FGF14: variants seen among roughly 807,000 people sequenced by gnomAD.
FGF14 encodes fibroblast growth factor homologous factor 4.
FGF14 carries 5 observed loss-of-function variants against 25.5 expected under a neutral mutation model. The ratio of observed to expected loss-of-function variants is 0.20; its 90% CI spans 0.10 to 0.41. FGF14 has a LOEUF of 0.41. Among genes scored for constraint, FGF14 ranks in the 10% least tolerant of loss-of-function variants. The pLI is 1.00. For missense variants in FGF14, 222 were observed against 320.1 expected (o/e 0.69, Z 2.34); for synonymous variants, 138 against 118.3 (o/e 1.17, Z -1.08).
At chr13:102,071,806 T>C (rs921917487) in intron 1 of FGF14, among the ~76,000 whole-genome samples, 2 of 152,146 alleles carry the variant, frequency 1.3e-5, no homozygotes, top group Non-Finnish European at 2.9e-5. Flanking sequence ...TGTAACTATA[T>C]AGAGATCTGG....
intron 1 of FGF14, among the ~76,000 whole-genome samples, chr13:102,074,579 C>T (rs1247092076): frequency 1.3e-5 from 2 of 152,106 alleles, no homozygotes; most frequent in East Asian, 1.9e-4. Context: ...TACTTCTAAA[C>T]ATTTTATGAG....
chr13:101,758,140 AAC>A (rs1235622342), intron 3 of FGF14, among the ~76,000 whole-genome samples: 1 of 152,242 alleles, frequency 6.6e-6, no homozygotes, highest in African/African-American at 2.4e-5. Flanking sequence ...CTATTTATTG[AAC>A]ACTTACCTTG....
chr13:102,227,581 A>C (rs751706382), intron 1 of FGF14, among the ~76,000 whole-genome samples: 2 of 152,164 alleles, frequency 1.3e-5, no homozygotes, highest in Non-Finnish European at 1.5e-5. Flanking sequence ...TACACCATGA[A>C]TATTACTCTA....
intron 1 of FGF14, among the ~76,000 whole-genome samples, chr13:102,251,806 A>C (rs2052189514): frequency 6.6e-6 from 1 of 152,054 alleles, no homozygotes; most frequent in Non-Finnish European, 1.5e-5. Flanking sequence ...GATGTTACCA[A>C]ATCTCTCCTT....
chr13:101,831,996 T>C (rs2042692880), intron 3 of FGF14, among the ~76,000 whole-genome samples: 1 of 152,062 alleles, frequency 6.6e-6, no homozygotes, highest in South Asian at 2.1e-4. Flanking sequence ...CAGTAAAGAT[T>C]ACGTTATTAG....
Position 101,868,709 on chromosome 13 carries a change from T to G in FGF14, c.408+16A>C. ...TGCATTGAACGAATGGCCGAGATCT[T>G]TGGCGTCTTACTTACTGATGGGTAG... On this transcript the variant is annotated intron_variant, in intron 3 of 4. Transcript: ENST00000376143. 6.8e-7 allele frequency: 1 copy of G among 1,460,076 alleles called. No individual in the cohort carries two copies. Among genetic ancestry groups the G allele is most frequent in the Non-Finnish European group, 9.6e-7 (1 of 1,039,722 alleles). The allele number at this position is 1,460,076 out of a possible 1,614,324, so 90.4% of individuals were successfully genotyped here.
chr13:102,213,241 CT>C (rs1434273951), intron 1 of FGF14, among the ~76,000 whole-genome samples: 1 of 152,160 alleles, frequency 6.6e-6, no homozygotes, highest in Non-Finnish European at 1.5e-5. Context: ...ATTAACAGAG[CT>C]TTACTTCTTT....
In FGF14 at chr13:101,916,691, G is replaced by A. The variant is rs1472536130; in HGVS notation, c.-46C>T. 4.2e-6 allele frequency: 6 copies of A among 1,443,828 alleles called. No homozygotes were observed. The African/African-American group carries it at 4.3e-5, about 10-fold the overall frequency. The allele number at this position is 1,443,828 out of a possible 1,614,324, so 89.4% of individuals were successfully genotyped here. On this transcript the variant is annotated 5_prime_UTR_variant, in exon 1 of 5. Coordinates refer to ENST00000376143, the MANE Select transcript of FGF14 (RefSeq NM_004115.4). The stretch of plus-strand genomic sequence containing the variant: ...CGGGGAGGGAGGGCGCGGGAGGACG[G>A]CGAGCCGGGGGCACCGGAGGGGAAG...
intron 1 of FGF14, among the ~76,000 whole-genome samples, chr13:102,033,649 C>T (rs1045803199): frequency 6.6e-6 from 1 of 152,086 alleles, no homozygotes; most frequent in East Asian, 1.9e-4. Context: ...GCTACCCATG[C>T]TGAAACATAA....
intron 1 of FGF14, among the ~76,000 whole-genome samples, chr13:102,316,494 T>C (rs952678768): frequency 6.6e-6 from 1 of 152,184 alleles, no homozygotes; most frequent in East Asian, 1.9e-4. Context: ...AGGGAGGATA[T>C]CTTGCACATA....
At chr13:101,952,234 A>G (rs1017682751) in intron 1 of FGF14, among the ~76,000 whole-genome samples, 1 of 152,178 alleles carries the variant, frequency 6.6e-6, no homozygotes, top group African/African-American at 2.4e-5. Context: ...AGGTCTTGGA[A>G]AGGATTCCAA....
chr13:101,817,204 A>G (rs966331362), intron 3 of FGF14, among the ~76,000 whole-genome samples: 9 of 152,230 alleles, frequency 5.9e-5, no homozygotes, highest in African/African-American at 2.2e-4. Context: ...TCAGAATACT[A>G]GCAAAGCTCA....
chr13:102,330,420 A>T (rs1007133655), intron 1 of FGF14, among the ~76,000 whole-genome samples: 1 of 151,850 alleles, frequency 6.6e-6, no homozygotes, highest in Admixed American at 6.6e-5. Flanking sequence ...GCAATTCTCA[A>T]CTCTCTCTCC....
chr13:102,037,349 C>G (rs1308654315), intron 1 of FGF14, among the ~76,000 whole-genome samples: 1 of 152,002 alleles, frequency 6.6e-6, no homozygotes, highest in African/African-American at 2.4e-5. Flanking sequence ...GTTTCCTGAC[C>G]TTTTCTGGTT....
At chr13:102,016,282 G>A (rs2040340602) in intron 1 of FGF14, among the ~76,000 whole-genome samples, 1 of 152,014 alleles carries the variant, frequency 6.6e-6, no homozygotes, top group Non-Finnish European at 1.5e-5. Flanking sequence ...ATGACTATAT[G>A]TATTATAAAT....
At chr13:102,079,432 T>C (rs1184781860) in intron 1 of FGF14, among the ~76,000 whole-genome samples, 1 of 152,158 alleles carries the variant, frequency 6.6e-6, no homozygotes, top group African/African-American at 2.4e-5. Context: ...AATATGTATT[T>C]ATTTACTTTT....
chr13:101,928,483 T>C (rs1327287041), intron 1 of FGF14, among the ~76,000 whole-genome samples: 2 of 152,150 alleles, frequency 1.3e-5, no homozygotes, highest in African/African-American at 4.8e-5. Flanking sequence ...TTTCATATTA[T>C]ATTTCTCAAT....
At chr13:101,919,879 C>T (rs761680398), upstream of FGF14, among the ~76,000 whole-genome samples, 1 of 150,820 alleles carries the variant, frequency 6.6e-6, no homozygotes, top group Non-Finnish European at 1.5e-5. Context: ...CGACCCCTGG[C>T]GCAGCGCCTG....
chr13:102,374,644 TTATATATATATATATA>T (rs55670716), intron 1 of FGF14, among the ~76,000 whole-genome samples: 526 of 49,342 alleles, frequency 0.011, 11 homozygotes, highest in African/African-American at 0.03. Flanking sequence ...CTTACATATT[TTATATATATATATATA>T]TATATATATA....
Sources: gnomAD v4.1 joint callset for allele counts (sites outside exome capture counted in the v4.1 genomes callset) on GRCh38, gnomAD v4.1.1 for gene constraint, MANE v1.5 for transcripts, NCBI Gene and HGNC (gene_info 2026-07-23, HGNC 2026-07-21) for gene names.